The following DCTN4 variants were observed in gnomAD, a reference collection of about 807,000 sequenced individuals.
The protein encoded by DCTN4 is dynactin 4 (p62).
In DCTN4, 23 loss-of-function variants were observed where a neutral mutation model predicts 62.7. The ratio of observed to expected loss-of-function variants is 0.37; its 90% CI spans 0.26 to 0.52. DCTN4 has a LOEUF of 0.52. Ranked by LOEUF, DCTN4 falls within the 20% of genes least tolerant of loss-of-function variation. The pLI is 0.92. For missense variants in DCTN4, 514 were observed against 580.4 expected, an observed-to-expected ratio of 0.89 and a Z score of 1.18; for synonymous variants, 199 against 202.1, an observed-to-expected ratio of 0.98 and a Z score of 0.13.
intron 3 of DCTN4, among the ~76,000 whole-genome samples, chr5:150,752,549 G>C (rs923102901): frequency 6.6e-6 from 1 of 152,180 alleles, no homozygotes; most frequent in Non-Finnish European, 1.5e-5. Flanking sequence ...CTCCAAGATA[G>C]ACTACCATAG....
chr5:150,753,332 T>C (rs1431148019), intron 3 of DCTN4, 147 bp downstream of exon 3: 2 of 629,522 alleles, frequency 3.2e-6, no homozygotes, highest in Non-Finnish European at 5.3e-6. Context: ...TCTACAAATG[T>C]GAACATATGG....
chr5:150,754,174 A>G (rs758753299), intron 2 of DCTN4, among the ~76,000 whole-genome samples: 2 of 152,202 alleles, frequency 1.3e-5, no homozygotes, highest in African/African-American at 2.4e-5. Flanking sequence ...CTTAAATGCT[A>G]CTTTTCCTAG....
rs1581592286 is a variant in DCTN4, at chr5:150,742,095, C to T, written c.429+19G>A. On this transcript the variant is annotated intron_variant, in intron 4 of 12. Transcript: ENST00000447998. ...TTTTTTCCGATTTCATCCTCTCTCTCTTATGACCCTTTACTTACCCGTTGT... is the reference window on the plus strand; with the variant it reads ...TTTTTTCCGATTTCATCCTCTCTCTTTTATGACCCTTTACTTACCCGTTGT... 6.2e-7 allele frequency: 1 copy of T among 1,612,958 alleles called. No individual in the cohort carries two copies. Among genetic ancestry groups the T allele is most frequent in the Non-Finnish European group, 8.5e-7 (1 of 1,178,960 alleles).
At chr5:150,729,709 C>T (rs925691022) in intron 8 of DCTN4, among the ~76,000 whole-genome samples, 2 of 151,414 alleles carry the variant, frequency 1.3e-5, no homozygotes, top group African/African-American at 4.9e-5. Context: ...CAGTCTCAAA[C>T]TCCTCAGGCT....
chr5:150,728,547 T>A (rs1228050899), intron 8 of DCTN4, among the ~76,000 whole-genome samples: 1 of 152,228 alleles, frequency 6.6e-6, no homozygotes, highest in African/African-American at 2.4e-5. Context: ...TTTTCTCAAA[T>A]GTCGCTTTAT....
chr5:150,758,560 C>G (rs894210757), intron 1 of DCTN4: 40 of 1,123,658 alleles, frequency 3.6e-5, no homozygotes, highest in Non-Finnish European at 4.4e-5. Flanking sequence ...CACCCCCAGA[C>G]CTTTCTCCGT....
At position 150,733,456 on chromosome 5, in the gene DCTN4, T is replaced by C; in HGVS notation, c.449A>G (p.Tyr150Cys). Residue 150 changes from tyrosine to cysteine, a missense_variant, in exon 5 of 13, where the codon TAT becomes TGT. Coordinates refer to ENST00000447998, the MANE Select transcript of DCTN4 (RefSeq NM_016221.4). The part of the protein sequence containing the change: ...HTQRMNKLIE[Y>C]YQQLAQKEKV... ...CTCTTTCTGAGCAAGCTGCTGGTAA[T>C]ATTCAATCAATTTGTTCATCTGTAA... The C allele has an allele frequency of 6.2e-7, 1 of 1,613,744 alleles. No individual in the cohort carries two copies. Among genetic ancestry groups the C allele is most frequent in the Non-Finnish European group, 8.5e-7 (1 of 1,179,878 alleles).
In DCTN4 at chr5:150,733,348, T is replaced by C. The variant is rs1328683284; in HGVS notation, c.537+20A>G. 20 of 1,589,790 alleles carry C rather than the reference T, an allele frequency of 1.3e-5. No individual in the cohort carries two copies. The highest frequency in any genetic ancestry group is 1.7e-5 in the Non-Finnish European group (20 of 1,161,140). Reference sequence around the variant, plus strand: ...TAGGCCTTAGAGGTCTTGCAAATCATTTTAGTACCAAATTCTCACCGAAAA... The same window carrying C: ...TAGGCCTTAGAGGTCTTGCAAATCACTTTAGTACCAAATTCTCACCGAAAA... On this transcript the variant is annotated intron_variant, in intron 5 of 12. Transcript: ENST00000447998.
chr5:150,716,318 C>CT (rs1759756202), intron 11 of DCTN4, among the ~76,000 whole-genome samples: 1 of 152,090 alleles, frequency 6.6e-6, no homozygotes, highest in Non-Finnish European at 1.5e-5. Context: ...AAAGGAGAAA[C>CT]ACTGGTTCCA....
intron 3 of DCTN4, among the ~76,000 whole-genome samples, chr5:150,744,014 C>T (rs947206836): frequency 4.6e-5 from 7 of 152,096 alleles, no homozygotes; most frequent in African/African-American, 1.7e-4. Context: ...GAAATTCGAA[C>T]CAAAGGCAAA....
chr5:150,753,500 C>T lies in DCTN4; in HGVS notation c.364G>A (p.Gly122Ser), dbSNP rs200168560. ...TCACCTACAGATTTGTCTGCCATGC[C>T]CACATCTCTAGACGTCCAGCGACAA... ...GFCRWTSRDVGMADKSVASGG... is the reference protein window; with the variant it reads ...GFCRWTSRDVSMADKSVASGG... Residue 122 changes from glycine to serine, a missense_variant, in exon 3 of 13, where the codon GGC becomes AGC. Physicochemically the swap from Gly to Ser is moderately conservative, Grantham distance 56. Coordinates refer to ENST00000447998, the MANE Select transcript of DCTN4 (RefSeq NM_016221.4). 33 of 1,613,826 alleles carry T rather than the reference C, an allele frequency of 2.0e-5. No homozygotes were observed. Among genetic ancestry groups the T allele is most frequent in the Admixed American group, 5.0e-5 (3 of 60,002 alleles).
In DCTN4 at chr5:150,729,042, C is replaced by CTTTTTTTT; in HGVS notation, c.834+1581_834+1588dup. ...ACAAGTGTGTGAACCACCACACTGGCTTTTTTTTTTTTTTTTTTTTTTTTT... is the reference window on the plus strand; with the variant it reads ...ACAAGTGTGTGAACCACCACACTGGCTTTTTTTTTTTTTTTTTTTTTTTTTTTTTTTTT... On this transcript the variant is annotated intron_variant, in intron 8 of 12. Transcript: ENST00000447998. Among the ~76,000 whole-genome samples, 47 of 52,142 alleles carry CTTTTTTTT rather than the reference C, an allele frequency of 9.0e-4. 5 individuals carry two copies. The highest frequency in any genetic ancestry group is 2.6e-3 in the African/African-American group (34 of 13,130). The allele number at this position is 52,142 out of a possible 152,430, so 34.2% of individuals were successfully genotyped here. A position where few individuals can be genotyped will look rare whatever the true frequency, so the allele number is the denominator to read the frequency against.
chr5:150,753,272 T>C lies in DCTN4; in HGVS notation c.385+207A>G, dbSNP rs1362034779. Among the ~76,000 whole-genome samples the C allele has an allele frequency of 2.6e-5, 4 of 152,334 alleles. No individual in the cohort carries two copies. In the East Asian group the frequency reaches 5.8e-4, roughly 22 times the overall value. ...TACCAGATTTATAAAAGCTATTTTA[T>C]CAAGTCTAAGAAAACTAAATATTAT... On this transcript the variant is annotated intron_variant, in intron 3 of 12. Coordinates refer to ENST00000447998, the MANE Select transcript of DCTN4 (RefSeq NM_016221.4).
chr5:150,713,506 T>C (rs986195601), intron 12 of DCTN4, among the ~76,000 whole-genome samples: 11 of 150,618 alleles, frequency 7.3e-5, no homozygotes, highest in Admixed American at 6.0e-4. Flanking sequence ...TGTAGTGGCG[T>C]GATCTGAGTT....
intron 4 of DCTN4, among the ~76,000 whole-genome samples, chr5:150,739,318 C>T (rs893115782): frequency 3.9e-5 from 6 of 151,970 alleles, no homozygotes; most frequent in South Asian, 2.1e-4. Context: ...TTACAACAGC[C>T]GCAAAAACCC....
At chr5:150,722,850 G>A (rs1760002574) in intron 9 of DCTN4, 57 bp downstream of exon 9, 2 of 1,397,138 alleles carry the variant, frequency 1.4e-6, no homozygotes, top group South Asian at 1.3e-5. Flanking sequence ...TGGGGAAGAA[G>A]AATAAACCAA....
intron 2 of DCTN4, among the ~76,000 whole-genome samples, chr5:150,754,432 A>G (rs1752784188): frequency 6.6e-6 from 1 of 152,244 alleles, no homozygotes; most frequent in Non-Finnish European, 1.5e-5. Context: ...AAAGTATACA[A>G]AACAGTATCT....
At chr5:150,729,459 T>C (rs1359350531) in intron 8 of DCTN4, among the ~76,000 whole-genome samples, 1 of 152,094 alleles carries the variant, frequency 6.6e-6, no homozygotes, top group Non-Finnish European at 1.5e-5. Context: ...ATTTATACTC[T>C]TACCCATTCC....
At chr5:150,748,083 C>T (rs1430937740) in intron 3 of DCTN4, among the ~76,000 whole-genome samples, 2 of 151,950 alleles carry the variant, frequency 1.3e-5, no homozygotes, top group African/African-American at 4.8e-5. Context: ...TGAACTCAAA[C>T]AAATTTACAA....
Sources: gnomAD v4.1 joint callset for allele counts (sites outside exome capture counted in the v4.1 genomes callset) on GRCh38, gnomAD v4.1.1 for gene constraint, MANE v1.5 for transcripts, NCBI Gene and HGNC (gene_info 2026-07-23, HGNC 2026-07-21) for gene names.